RBFOX1: variants seen among roughly 807,000 people sequenced by gnomAD.
RBFOX1 encodes the protein RNA binding fox-1 homolog 1.
RBFOX1 carries 8 observed loss-of-function variants against 57.7 expected under a neutral mutation model. The observed-to-expected ratio is 0.14, with a 90% CI of 0.08 to 0.25. RBFOX1 has a LOEUF of 0.25. RBFOX1 is among the 10% of genes least tolerant of loss of function. The probability of loss-of-function intolerance (pLI) is 1.00; values close to 1 mark genes in which losing one functional copy is unlikely to be tolerated. For synonymous variants in RBFOX1, 326 were observed against 222.4 expected (o/e 1.47, Z -4.15); for missense variants, 611 against 548.5 (o/e 1.11, Z -1.14).
At chr16:6,060,327 A>G (rs904466112) in intron 1 of RBFOX1, among the ~76,000 whole-genome samples, 10 of 152,024 alleles carry the variant, frequency 6.6e-5, no homozygotes, top group African/African-American at 2.2e-4. Context: ...AATAGCAGAT[A>G]CTGTCTAAGT....
chr16:6,467,164 A>G lies in RBFOX1; in HGVS notation c.-64+150107A>G, dbSNP rs140557813. 4.3e-3 allele frequency among the ~76,000 whole-genome samples: 645 copies of G among 151,142 alleles called. 4 individuals carry two copies. The highest frequency in any genetic ancestry group is 0.015 in the African/African-American group (609 of 41,374). On this transcript the variant is annotated intron_variant, in intron 2 of 15. Coordinates refer to ENST00000550418, the MANE Select transcript of RBFOX1 (RefSeq NM_018723.4). ...ATAAAGTTTACTTAATATATTAGTT[A>G]CAGTTAATGTAATATAAAGTTTACT...
intron 2 of RBFOX1, among the ~76,000 whole-genome samples, chr16:6,334,327 G>A (rs2083380950): frequency 6.6e-6 from 1 of 151,908 alleles, no homozygotes; most frequent in African/African-American, 2.4e-5. Flanking sequence ...GGGCAACATG[G>A]TGAAACCCCA....
At chr16:5,424,988 CT>C (rs375901012) in intron 1 of RBFOX1, among the ~76,000 whole-genome samples, 7,616 of 74,912 alleles carry the variant, frequency 0.1, 1,068 homozygotes, top group African/African-American at 0.13. Flanking sequence ...CTTTTCTTTT[CT>C]TTTCTTTTCT....
At chr16:7,265,945 T>C (rs1355356367) in intron 4 of RBFOX1, among the ~76,000 whole-genome samples, 2 of 149,644 alleles carry the variant, frequency 1.3e-5, no homozygotes, top group East Asian at 2.0e-4. Flanking sequence ...GAGTGAGTTA[T>C]GAGATCTGGT....
intron 1 of RBFOX1, among the ~76,000 whole-genome samples, chr16:6,146,527 G>C (rs116864166): frequency 0.018 from 2,762 of 152,198 alleles, 45 homozygotes; most frequent in South Asian, 0.032. Flanking sequence ...CCTTGGCTGA[G>C]AACCCCTCCT....
At chr16:6,880,270 GA>G (rs1156430233) in intron 3 of RBFOX1, among the ~76,000 whole-genome samples, 2 of 152,108 alleles carry the variant, frequency 1.3e-5, no homozygotes, top group East Asian at 3.9e-4. Flanking sequence ...TAACCTTGGG[GA>G]AAAAAATGAG....
At chr16:6,288,152 A>C (rs2077084601) in intron 1 of RBFOX1, among the ~76,000 whole-genome samples, 1 of 152,160 alleles carries the variant, frequency 6.6e-6, no homozygotes, top group Admixed American at 6.6e-5. Flanking sequence ...CAGTAAAATT[A>C]CTGTGTCTTA....
intron 2 of RBFOX1, among the ~76,000 whole-genome samples, chr16:6,530,040 T>C (rs773173422): frequency 4.9e-4 from 74 of 152,202 alleles, no homozygotes; most frequent in Non-Finnish European, 9.6e-4. Flanking sequence ...TCTTTCAAAG[T>C]AGCTATTTTA....
At chr16:7,074,114 C>G (rs1193971614) in intron 4 of RBFOX1, among the ~76,000 whole-genome samples, 1 of 152,096 alleles carries the variant, frequency 6.6e-6, no homozygotes, top group Non-Finnish European at 1.5e-5. Context: ...TTTTCTGTCT[C>G]TTTTAAGGAA....
At chr16:6,957,340 C>T (rs543927229) in intron 3 of RBFOX1, among the ~76,000 whole-genome samples, 48 of 152,060 alleles carry the variant, frequency 3.2e-4, no homozygotes, top group Non-Finnish European at 6.2e-4. Context: ...ACCATGTTAG[C>T]CAGGATGGTC....
intron 4 of RBFOX1, among the ~76,000 whole-genome samples, chr16:7,371,009 T>G (rs879345741): frequency 1.3e-5 from 2 of 152,170 alleles, no homozygotes; most frequent in Non-Finnish European, 2.9e-5. Flanking sequence ...GGTATTTTAT[T>G]GGGATGGATG....
intron 2 of RBFOX1, among the ~76,000 whole-genome samples, chr16:6,361,287 A>G (rs929024067): frequency 5.9e-5 from 9 of 152,192 alleles, no homozygotes; most frequent in African/African-American, 1.9e-4. Context: ...GAAAAGATGT[A>G]GACAAGAACT....
At chr16:6,549,246 A>AAGAGG (rs1482763685) in intron 2 of RBFOX1, among the ~76,000 whole-genome samples, 1 of 11,510 alleles carries the variant, frequency 8.7e-5, no homozygotes, top group African/African-American at 4.4e-4. Context: ...AGGAGGGAGT[A>AAGAGG]GGAGGAGGGA....
chr16:6,971,656 G>C (rs1256960909), intron 3 of RBFOX1, among the ~76,000 whole-genome samples: 1 of 152,124 alleles, frequency 6.6e-6, no homozygotes, highest in Non-Finnish European at 1.5e-5. Flanking sequence ...CAATTAGGAA[G>C]CCATTGCAAT....
chr16:6,815,728 C>G (rs565913799), intron 3 of RBFOX1, among the ~76,000 whole-genome samples: 1 of 152,308 alleles, frequency 6.6e-6, no homozygotes, highest in South Asian at 2.1e-4. Flanking sequence ...ACCCACTCTT[C>G]TCTCTGGTCC....
intron 1 of RBFOX1, among the ~76,000 whole-genome samples, chr16:6,066,502 G>A (rs912451641): frequency 6.6e-6 from 1 of 152,026 alleles, no homozygotes; most frequent in Non-Finnish European, 1.5e-5. Flanking sequence ...AATACATGCA[G>A]TAAGGTGGTT....
At chr16:5,734,919 C>T (rs1465807225) in intron 3 of RBFOX1, among the ~76,000 whole-genome samples, 1 of 152,110 alleles carries the variant, frequency 6.6e-6, no homozygotes, top group African/African-American at 2.4e-5. Flanking sequence ...TAAACACTTT[C>T]TAGCACAGGG....
In RBFOX1 at chr16:7,508,221, G is replaced by A. The variant is rs771291598; in HGVS notation, c.28-9926G>A. On this transcript the variant is annotated intron_variant, in intron 4 of 15. Coordinates refer to ENST00000550418, the MANE Select transcript of RBFOX1 (RefSeq NM_018723.4). ...TCAAAGTCCTGACCTCAAGCGATCCGCACGCCTCGGCCTTCCTAAGTGCTG... is the reference window on the plus strand; with the variant it reads ...TCAAAGTCCTGACCTCAAGCGATCCACACGCCTCGGCCTTCCTAAGTGCTG... Among the ~76,000 whole-genome samples, 29 of 151,958 alleles carry A rather than the reference G, an allele frequency of 1.9e-4. 1 individual carries two copies. The highest frequency in any genetic ancestry group is 3.4e-3 in the Middle Eastern group (1 of 294).
chr16:7,156,721 C>T (rs1390183902), intron 4 of RBFOX1, among the ~76,000 whole-genome samples: 3 of 152,090 alleles, frequency 2.0e-5, no homozygotes, highest in South Asian at 4.1e-4. Context: ...TTAATGGATT[C>T]CTTATTGATG....
Sources: gnomAD v4.1 joint callset for allele counts (sites outside exome capture counted in the v4.1 genomes callset) on GRCh38, gnomAD v4.1.1 for gene constraint, MANE v1.5 for transcripts, NCBI Gene and HGNC (gene_info 2026-07-23, HGNC 2026-07-21) for gene names.